Variants in TNIP3 observed in about 807,000 individuals in gnomAD.
TNIP3 encodes TNFAIP3-interacting protein 3.
In TNIP3, 34 loss-of-function variants were observed where a neutral mutation model predicts 54.1. That is an observed-to-expected ratio of 0.63 (90% confidence interval 0.48 to 0.84). The LOEUF is 0.84. Ranked by LOEUF, TNIP3 falls within the 40% of genes least tolerant of loss-of-function variation. The probability of loss-of-function intolerance (pLI) is 0.00; values close to 1 mark genes in which losing one functional copy is unlikely to be tolerated. For synonymous variants in TNIP3, 134 were observed against 136.8 expected, an observed-to-expected ratio of 0.98 and a Z score of 0.14; for missense variants, 366 against 387.6, an observed-to-expected ratio of 0.94 and a Z score of 0.47.
chr4:121,167,946 G>C (rs1051737396), upstream of TNIP3, among the ~76,000 whole-genome samples: 2 of 151,984 alleles, frequency 1.3e-5, no homozygotes, highest in South Asian at 2.1e-4. Context: ...TGTTTGATCA[G>C]GATAGCTTAG....
At position 121,131,434 on chromosome 4, in the gene TNIP3, A is replaced by C. The variant is rs1317127430; in HGVS notation, c.*1197T>G. The C allele has an allele frequency of 6.6e-6, 1 of 151,828 alleles. No individual in the cohort carries two copies. The highest frequency in any genetic ancestry group is 1.9e-4 in the East Asian group (1 of 5,192). 9.4% of individuals were successfully genotyped at this position (151,828 alleles called of 1,614,324 possible). On this transcript the variant is annotated 3_prime_UTR_variant, in exon 11 of 11. Coordinates refer to ENST00000057513, the MANE Select transcript of TNIP3 (RefSeq NM_024873.6). ...TTCAATAAATTCCATTTTCATTTTAATTGGCTTGAGAAGTCAGAATTAAGT... is the reference window on the plus strand; with the variant it reads ...TTCAATAAATTCCATTTTCATTTTACTTGGCTTGAGAAGTCAGAATTAAGT...
At chr4:121,195,840 G>C (rs1169856018) in intron 2 of TNIP3, among the ~76,000 whole-genome samples, 1 of 152,204 alleles carries the variant, frequency 6.6e-6, no homozygotes, top group Non-Finnish European at 1.5e-5. Context: ...GTAAGAACAA[G>C]GACCAGCAGG....
In TNIP3 at chr4:121,207,129, G is replaced by A. The variant is rs375131075; in HGVS notation, c.68+9286C>T. Among the ~76,000 whole-genome samples, 632 of 152,136 alleles carry A rather than the reference G, an allele frequency of 4.2e-3. 5 individuals carry two copies. The highest frequency in any genetic ancestry group is 0.014 in the African/African-American group (594 of 41,516). ...GATCTGGGGTTCTTTGTTTTGTTTT[G>A]TTTTGCTTGCTGTTTATTTGTTGCT... On this transcript the variant is annotated intron_variant, in intron 2 of 12. Coordinates refer to the TNIP3 transcript ENST00000507879.
chr4:121,198,015 G>A (rs188483934), intron 2 of TNIP3, among the ~76,000 whole-genome samples: 1 of 152,296 alleles, frequency 6.6e-6, no homozygotes, highest in East Asian at 1.9e-4. Flanking sequence ...GAGTAACTAT[G>A]AAAATGTTCA....
chr4:121,162,343 A>C (rs766009783), intron 1 of TNIP3, among the ~76,000 whole-genome samples: 1 of 152,088 alleles, frequency 6.6e-6, no homozygotes, highest in African/African-American at 2.4e-5. Context: ...TCCTATTTAG[A>C]CCTATGTTAC....
upstream of TNIP3, among the ~76,000 whole-genome samples, chr4:121,220,759 C>G (rs1208264319): frequency 6.6e-6 from 1 of 152,078 alleles, no homozygotes; most frequent in Non-Finnish European, 1.5e-5. Context: ...AGTGAATGTC[C>G]TTAGCTGTGA....
rs1445877517 is a variant in TNIP3 at position 121,157,296 on chromosome 4, CCCCTGGATTTATT to C, written c.214-66_214-54del. 7 of 1,611,292 alleles carry C rather than the reference CCCCTGGATTTATT, an allele frequency of 4.3e-6. No homozygotes were observed. The African/African-American group carries it at 9.4e-5, about 22-fold the overall frequency. ...AGATACCTTCTCTGAAGCTCACAAG[CCCCTGGATTTATT>C]CCCAGGCTATGAACTTTGGCAGAAA... On this transcript the variant is annotated intron_variant, in intron 3 of 10. Coordinates refer to ENST00000057513, the MANE Select transcript of TNIP3 (RefSeq NM_024873.6).
upstream of TNIP3, among the ~76,000 whole-genome samples, chr4:121,166,401 C>T (rs1385794917): frequency 6.6e-6 from 1 of 152,214 alleles, no homozygotes; most frequent in Non-Finnish European, 1.5e-5. Context: ...ATGCTCTGTT[C>T]ACTTCACCTC....
upstream of TNIP3, among the ~76,000 whole-genome samples, chr4:121,220,823 G>A (rs1400718959): frequency 6.6e-6 from 1 of 152,118 alleles, no homozygotes; most frequent in East Asian, 1.9e-4. Flanking sequence ...CGAATGGACA[G>A]CAGGATTCGT....
intron 2 of TNIP3, among the ~76,000 whole-genome samples, chr4:121,160,306 C>T (rs891445106): frequency 1.2e-4 from 19 of 152,058 alleles, no homozygotes; most frequent in Middle Eastern, 3.2e-3. Context: ...TGGCGAAACC[C>T]CATCTCTACT....
chr4:121,191,480 G>A (rs556484182), intron 2 of TNIP3, among the ~76,000 whole-genome samples: 1 of 152,290 alleles, frequency 6.6e-6, no homozygotes, highest in East Asian at 1.9e-4. Flanking sequence ...TTTAAATGAT[G>A]TATTTTACAG....
In TNIP3 at chr4:121,150,065, A is replaced by G. The variant is rs372201938; in HGVS notation, c.609+38T>C. ...CAAAGAAGCATGAAAAATGGGCAGT[A>G]TGTTCTCCACAGGATCATGCCACTT... On this transcript the variant is annotated intron_variant, in intron 6 of 10. Transcript: ENST00000057513. The G allele has an allele frequency of 7.5e-6, 10 of 1,339,972 alleles. No individual in the cohort carries two copies. The African/African-American group carries it at 1.2e-4, about 16-fold the overall frequency. 83.0% of individuals were successfully genotyped at this position (1,339,972 alleles called of 1,614,324 possible).
rs1332261834 is a variant in TNIP3 at position 121,147,102 on chromosome 4, G to A, written c.682C>T (p.Leu228=). 3 of 1,613,066 alleles carry A rather than the reference G, an allele frequency of 1.9e-6. No homozygotes were observed. In the African/African-American group the frequency reaches 4.0e-5, roughly 22 times the overall value. Residue 228 remains leucine, a synonymous_variant, in exon 7 of 11, where the codon CTA becomes TTA. Transcript: ENST00000057513. ...TGGGAAGTTTCATTAATTTGCTGTA[G>A]CTCCTCTTTCTCTTGATTAAGTCTC... The part of the protein sequence containing the change: ...RERLNQEKEE[L]QQINETSQSQ...
exon 2 of TNIP3, chr4:121,216,456 A>T: frequency 3.3e-6 from 5 of 1,535,904 alleles, no homozygotes; most frequent in Non-Finnish European, 4.4e-6. Flanking sequence ...TTACCAGTTT[A>T]TCGTCGTGTT....
chr4:121,151,835 C>G (rs1729778056), intron 5 of TNIP3, among the ~76,000 whole-genome samples: 2 of 152,106 alleles, frequency 1.3e-5, no homozygotes, highest in South Asian at 4.2e-4. Flanking sequence ...TGGGCTTTCC[C>G]AACTTCCTTG....
At chr4:121,220,403 T>C (rs1222059130), upstream of TNIP3, among the ~76,000 whole-genome samples, 5 of 152,230 alleles carry the variant, frequency 3.3e-5, no homozygotes, top group Admixed American at 2.6e-4. Flanking sequence ...ATTCTAGTTT[T>C]GGTTTCTTTA....
intron 2 of TNIP3, among the ~76,000 whole-genome samples, chr4:121,215,929 T>TA (rs978596823): frequency 3.3e-5 from 5 of 151,368 alleles, no homozygotes; most frequent in Admixed American, 6.6e-5. Context: ...AAGGAGGCTT[T>TA]AAAAAAAACT....
chr4:121,156,943 G>T, intron 4 of TNIP3, 151 bp downstream of exon 4: 2 of 894,278 alleles, frequency 2.2e-6, no homozygotes, highest in Non-Finnish European at 3.4e-6. Context: ...CATGGCTCTT[G>T]GGGACTTGCG....
intron 3 of TNIP3, among the ~76,000 whole-genome samples, chr4:121,179,752 C>G (rs142576752): frequency 6.6e-6 from 1 of 151,864 alleles, no homozygotes; most frequent in Non-Finnish European, 1.5e-5. Context: ...CAGGATTCCC[C>G]CAAGTTTGGA....
Sources: allele counts gnomAD v4.1 joint callset (sites outside exome capture counted in the v4.1 genomes callset), GRCh38; gene constraint gnomAD v4.1.1; transcripts MANE v1.5; gene names NCBI Gene and HGNC (gene_info 2026-07-23, HGNC 2026-07-21).